The following PRDM2 variants were observed in gnomAD, a reference collection of about 807,000 sequenced individuals.
The protein encoded by PRDM2 is PR domain zinc finger protein 2.
A neutral mutation model predicts 130.0 loss-of-function variants in PRDM2; 30 were observed. That is an observed-to-expected ratio of 0.23 (90% CI 0.17 to 0.31). PRDM2 has a LOEUF of 0.31. PRDM2 is among the 10% of genes least tolerant of loss of function. PRDM2 has a pLI of 1.00. For synonymous variants in PRDM2, 871 were observed against 782.4 expected, an observed-to-expected ratio of 1.11 and a Z score of -1.89; for missense variants, 2,011 against 2,108.4, an observed-to-expected ratio of 0.95 and a Z score of 0.90.
chr1:13,806,324 T>A lies in PRDM2; in HGVS notation c.5037-10103T>A, dbSNP rs572438949. Among the ~76,000 whole-genome samples, 2 of 152,236 alleles carry A rather than the reference T, an allele frequency of 1.3e-5. No individual in the cohort carries two copies. The highest frequency in any genetic ancestry group is 4.2e-4 in the South Asian group (2 of 4,818). ...CTCCGTCTCCGCTCCCCCTTGGTGATCTCATCCAGTCACATGCGTTAAATA... is the reference window on the plus strand; with the variant it reads ...CTCCGTCTCCGCTCCCCCTTGGTGAACTCATCCAGTCACATGCGTTAAATA... On this transcript the variant is annotated intron_variant, in intron 8 of 9. Coordinates refer to ENST00000311066, the MANE Select transcript of PRDM2 (RefSeq NM_001393986.1). The surrounding 1 kb of genome is among the most constrained non-coding windows in gnomAD (Gnocchi z 4.1).
intron 7 of PRDM2, 55 bp downstream of exon 7, chr1:13,773,243 T>G (rs947267755): frequency 1.9e-6 from 2 of 1,059,802 alleles, no homozygotes; most frequent in Admixed American, 7.0e-5. Context: ...CCCAGTGAAT[T>G]TAACTTTGTA....
chr1:13,742,053 G>C lies in PRDM2; in HGVS notation c.280G>C (p.Glu94Gln). Residue 94 changes from glutamate (E) to glutamine (Q), a missense_variant, in exon 5 of 10, where the codon GAG becomes CAG. Transcript: ENST00000311066. ...GATGTGCATTGATGCCACTGATCCA[G>C]AGAAGGGAAACTGGCTGCGATATGT... ...GWMCIDATDP[E>Q]KGNWLRYVNW... 7.5e-6 allele frequency: 12 copies of C among 1,598,982 alleles called. No homozygotes were observed. The highest frequency in any genetic ancestry group is 1.0e-5 in the Non-Finnish European group (12 of 1,166,258).
intron 2 of PRDM2, among the ~76,000 whole-genome samples, chr1:13,727,308 G>T (rs1642952991): frequency 6.6e-6 from 1 of 152,098 alleles, no homozygotes; most frequent in South Asian, 2.1e-4. Flanking sequence ...AGGCTGGAGT[G>T]CAGTGGCACG....
chr1:13,774,761 G>A (rs1032455906), intron 7 of PRDM2, among the ~76,000 whole-genome samples: 1 of 152,126 alleles, frequency 6.6e-6, no homozygotes, highest in Non-Finnish European at 1.5e-5. Flanking sequence ...TGGATCACAA[G>A]GTCAGGAGAT....
intron 8 of PRDM2, among the ~76,000 whole-genome samples, chr1:13,800,062 G>A (rs1274283907): frequency 6.6e-6 from 1 of 152,080 alleles, no homozygotes; most frequent in Non-Finnish European, 1.5e-5. Flanking sequence ...GCAGATCTTG[G>A]CCATTCATTC....
At chr1:13,808,519 G>A (rs1030457060) in intron 8 of PRDM2, among the ~76,000 whole-genome samples, 4 of 150,508 alleles carry the variant, frequency 2.7e-5, no homozygotes, top group Admixed American at 6.6e-5. Flanking sequence ...CTTTCTTGAT[G>A]TCTAGGATTG....
At chr1:13,710,220 A>AGC (rs1557591654) in intron 1 of PRDM2, among the ~76,000 whole-genome samples, 1 of 152,198 alleles carries the variant, frequency 6.6e-6, no homozygotes, top group Non-Finnish European at 1.5e-5. Flanking sequence ...GATTGGTAAT[A>AGC]GAGGGTGCTG....
chr1:13,728,504 G>A (rs917483791), intron 2 of PRDM2, among the ~76,000 whole-genome samples: 1 of 152,196 alleles, frequency 6.6e-6, no homozygotes, highest in Non-Finnish European at 1.5e-5. Flanking sequence ...GGGGCTGTGG[G>A]GAAGAAGGGA....
intron 6 of PRDM2, among the ~76,000 whole-genome samples, chr1:13,763,309 T>C (rs1644147169): frequency 6.6e-6 from 1 of 152,186 alleles, no homozygotes; most frequent in Non-Finnish European, 1.5e-5. Flanking sequence ...AGGAAACAGA[T>C]GATTTTTTTG....
chr1:13,776,754 A>G lies in PRDM2; in HGVS notation c.623-1664A>G, dbSNP rs151293920. Among the ~76,000 whole-genome samples, 87 of 152,128 alleles carry G rather than the reference A, an allele frequency of 5.7e-4. 1 individual carries two copies. Among genetic ancestry groups the G allele is most frequent in the African/African-American group, 2.0e-3 (81 of 41,496 alleles). On this transcript the variant is annotated intron_variant, in intron 7 of 9. Coordinates refer to ENST00000311066, the MANE Select transcript of PRDM2 (RefSeq NM_001393986.1). ...ATGCCCTCCTTGAAGCAGTTTCTTTACTTTGCCAAAGGACCACCACTCTCT... is the reference window on the plus strand; with the variant it reads ...ATGCCCTCCTTGAAGCAGTTTCTTTGCTTTGCCAAAGGACCACCACTCTCT...
chr1:13,702,585 C>T lies in PRDM2; in HGVS notation c.-66+2285C>T, dbSNP rs558612354. ...TTGGCTGTGGCTGTGCAGTTATGTA[C>T]ATATATCTGCGCCTATTCTTTTGAT... On this transcript the variant is annotated intron_variant, in intron 1 of 9. Coordinates refer to ENST00000311066, the MANE Select transcript of PRDM2 (RefSeq NM_001393986.1). Among the ~76,000 whole-genome samples the T allele has an allele frequency of 5.3e-5, 8 of 152,288 alleles. No homozygotes were observed. In the East Asian group the frequency reaches 1.3e-3, roughly 26 times the overall value.
intron 2 of PRDM2, among the ~76,000 whole-genome samples, chr1:13,724,029 A>G (rs1642824309): frequency 6.6e-6 from 1 of 152,180 alleles, no homozygotes; most frequent in Non-Finnish European, 1.5e-5. Flanking sequence ...TAACAGAGCC[A>G]TAGGGGAAAT....
intron 1 of PRDM2, among the ~76,000 whole-genome samples, chr1:13,714,338 CT>C (rs550641481): frequency 2.2e-3 from 300 of 138,036 alleles, no homozygotes; most frequent in African/African-American, 2.1e-3. Context: ...AATTCTCTGG[CT>C]TTTTTTTTTT....
chr1:13,764,974 A>G (rs1350591126), intron 6 of PRDM2, among the ~76,000 whole-genome samples: 1 of 152,258 alleles, frequency 6.6e-6, no homozygotes, highest in South Asian at 2.1e-4. Context: ...TTTTAAGTGA[A>G]AAAGGAAACT....
chr1:13,813,632 A>T (rs999031863), intron 8 of PRDM2, among the ~76,000 whole-genome samples: 2 of 152,120 alleles, frequency 1.3e-5, no homozygotes, highest in Non-Finnish European at 2.9e-5. Context: ...TCAGAGAGAA[A>T]ACTGAGAAAG....
At chr1:13,788,733 C>T (rs1644791402) in intron 8 of PRDM2, among the ~76,000 whole-genome samples, 1 of 152,186 alleles carries the variant, frequency 6.6e-6, no homozygotes, top group African/African-American at 2.4e-5. Flanking sequence ...CACAGCAGTG[C>T]CCTGTGAGGA....
intron 2 of PRDM2, among the ~76,000 whole-genome samples, chr1:13,718,010 A>G (rs1467060006): frequency 6.6e-6 from 1 of 152,208 alleles, no homozygotes; most frequent in African/African-American, 2.4e-5. Flanking sequence ...TTTTTCAACA[A>G]TCACCCCAGT....
At chr1:13,715,783 T>C (rs1213015699) in intron 2 of PRDM2, among the ~76,000 whole-genome samples, 169 bp downstream of exon 2, 1 of 152,214 alleles carries the variant, frequency 6.6e-6, no homozygotes, top group Non-Finnish European at 1.5e-5. Flanking sequence ...GTTCGTGCAG[T>C]GGAATGTGCA....
In PRDM2 at chr1:13,780,551, T is replaced by G. The variant is rs200687055; in HGVS notation, c.2756T>G (p.Leu919Arg). Residue 919 changes from leucine to arginine, a missense_variant, in exon 8 of 10, where the codon CTA (leucine) becomes CGA (arginine). This residue lies in a region of PRDM2 where 1,288 missense variants were observed against 1,237.7 expected (regional missense o/e 1.04). Transcript: ENST00000311066. ...AGGAGCCCAAGTCCTTGTAAATCCC[T>G]AGAAGCTCAGCCAGATCCTGACCTC... ...GTRSPSPCKS[L>R]EAQPDPDLGP... 35 of 1,614,156 alleles carry G rather than the reference T, an allele frequency of 2.2e-5. No homozygotes were observed. In the Admixed American group the frequency reaches 3.5e-4, roughly 16 times the overall value.
Sources: allele counts gnomAD v4.1 joint callset (sites outside exome capture counted in the v4.1 genomes callset), GRCh38; gene constraint gnomAD v4.1.1; regional missense constraint gnomAD v4.1.1; non-coding constraint Gnocchi (gnomAD v3.1); transcripts MANE v1.5; gene names NCBI Gene and HGNC (gene_info 2026-07-23, HGNC 2026-07-21).